LMNB1: variants seen among roughly 807,000 people sequenced by gnomAD.
The protein encoded by LMNB1 is lamin-B1.
Under a neutral mutation model 67.1 loss-of-function variants are expected in LMNB1, and 23 were observed. The observed-to-expected ratio is 0.34, with a 90% CI of 0.25 to 0.49. The LOEUF (loss-of-function observed/expected upper bound fraction) is 0.49. Ranked by LOEUF, LMNB1 falls within the 20% of genes least tolerant of loss-of-function variation. The pLI is 0.99. For missense variants in LMNB1, 634 were observed against 746.5 expected (o/e 0.85, Z 1.76); for synonymous variants, 281 against 282.9 (o/e 0.99, Z 0.07).
chr5:126,794,201 A>G (rs542351364), intron 1 of LMNB1, among the ~76,000 whole-genome samples: 17 of 152,316 alleles, frequency 1.1e-4, no homozygotes, highest in Non-Finnish European at 2.4e-4. Flanking sequence ...CTGGGATTAC[A>G]GGAGTGAACC....
At chr5:126,809,048 G>GT (rs1751523021) in intron 3 of LMNB1, among the ~76,000 whole-genome samples, 1 of 151,916 alleles carries the variant, frequency 6.6e-6, no homozygotes, top group African/African-American at 2.4e-5. Context: ...ACTAATTTTT[G>GT]TATTTTAGTA....
intron 9 of LMNB1, among the ~76,000 whole-genome samples, chr5:126,828,174 G>T (rs1180379280): frequency 6.6e-6 from 1 of 152,208 alleles, no homozygotes; most frequent in Non-Finnish European, 1.5e-5. Context: ...ATCCCTCACT[G>T]TAACCATGTC....
At position 126,826,019 on chromosome 5, in the gene LMNB1, GC is replaced by G; in HGVS notation, c.1529del (p.Pro510GlnfsTer18). On this transcript the variant is annotated frameshift_variant, in exon 9 of 11. Coordinates refer to ENST00000261366, the MANE Select transcript of LMNB1 (RefSeq NM_005573.4). LOFTEE classifies it high-confidence loss of function. ...GCTGCAAACGCTGGTGTCACAGCCA[GC>G]CCCCCAACTGACCTCATCTGGAAGA... ...IWAANAGVTA[S>X]PPTDLIWKNQ... 6.2e-7 allele frequency: 1 copy of G among 1,613,952 alleles called. No individual in the cohort carries two copies. The highest frequency in any genetic ancestry group is 8.5e-7 in the Non-Finnish European group (1 of 1,179,916).
chr5:126,800,809 C>T (rs1365473416), intron 1 of LMNB1, among the ~76,000 whole-genome samples: 1 of 147,784 alleles, frequency 6.8e-6, no homozygotes, highest in African/African-American at 2.5e-5. Context: ...TGTGCCATCA[C>T]GCCTGGCTAA....
intron 1 of LMNB1, among the ~76,000 whole-genome samples, chr5:126,785,035 A>G (rs1358951511): frequency 1.3e-5 from 2 of 151,718 alleles, no homozygotes; most frequent in East Asian, 3.9e-4. Context: ...GCTGGAGTGC[A>G]GTGGCACAAC....
chr5:126,810,314 G>T lies in LMNB1; in HGVS notation c.777G>T (p.Leu259=), dbSNP rs960240171. Residue 259 remains leucine, a synonymous_variant, in exon 4 of 11, where the codon CTG becomes CTT. Coordinates refer to ENST00000261366, the MANE Select transcript of LMNB1 (RefSeq NM_005573.4). ...MREQHDAQVR[L]YKEELEQTYH... ...AGCAACATGATGCCCAAGTGAGGCT[G>T]TATAAGGAGGAGCTGGAGCAGACTT... The T allele has an allele frequency of 1.2e-6, 2 of 1,611,746 alleles. No homozygotes were observed. The highest frequency in any genetic ancestry group is 1.7e-6 in the Non-Finnish European group (2 of 1,178,144).
chr5:126,817,405 G>A (rs1335533638), intron 5 of LMNB1, among the ~76,000 whole-genome samples: 2 of 152,106 alleles, frequency 1.3e-5, no homozygotes, highest in African/African-American at 2.4e-5. Context: ...ACTGGTACTG[G>A]GTATCACTGC....
intron 1 of LMNB1, among the ~76,000 whole-genome samples, chr5:126,794,275 A>AG (rs1184105845): frequency 2.0e-5 from 3 of 152,132 alleles, no homozygotes; most frequent in Non-Finnish European, 2.9e-5. Context: ...GAAGTTCATT[A>AG]ATTTTCCTTT....
At position 126,832,735 on chromosome 5, in the gene LMNB1, TGAA is replaced by T; in HGVS notation, c.1659_1661del (p.Glu559del). Reference sequence around the variant, plus strand: ...GTACAGTCTTTAAAACAACCATACCTGAAGAAGAGGAGGAGGAGGAAGAAGCAG... The same window carrying T: ...GTACAGTCTTTAAAACAACCATACCTGAAGAGGAGGAGGAGGAAGAAGCAG... On this transcript the variant is annotated inframe_deletion, in exon 10 of 11. Coordinates refer to ENST00000261366, the MANE Select transcript of LMNB1 (RefSeq NM_005573.4). 6.2e-7 allele frequency: 1 copy of T among 1,613,188 alleles called. No homozygotes were observed. The highest frequency in any genetic ancestry group is 8.5e-7 in the Non-Finnish European group (1 of 1,179,414).
At chr5:126,800,981 A>ATAT (rs1554113727) in intron 1 of LMNB1, among the ~76,000 whole-genome samples, 15 of 28,040 alleles carry the variant, frequency 5.3e-4, no homozygotes, top group African/African-American at 9.1e-4. Context: ...ATATATATAT[A>ATAT]ATTTTTTTTT....
Position 126,836,253 on chromosome 5 carries a change from G to A in LMNB1, c.1750G>A (p.Ala584Thr), listed in dbSNP as rs773352326. ...CCCAAGAGCATCCAATAGAAGCTGT[G>A]CAATTATGTAAAATTTTCAACTGTC... Reference protein sequence around the residue: ...GTPRASNRSCAIM With the variant: ...GTPRASNRSCTIM Residue 584 changes from alanine to threonine, a missense_variant, in exon 11 of 11, where the codon GCA becomes ACA. Ala to Thr is a moderately conservative substitution (Grantham distance 58). Coordinates refer to ENST00000261366, the MANE Select transcript of LMNB1 (RefSeq NM_005573.4). 2 of 1,610,358 alleles carry A rather than the reference G, an allele frequency of 1.2e-6. No individual in the cohort carries two copies. Among genetic ancestry groups the A allele is most frequent in the Non-Finnish European group, 1.7e-6 (2 of 1,176,786 alleles).
intron 4 of LMNB1, among the ~76,000 whole-genome samples, chr5:126,810,872 C>T (rs1429857130): frequency 6.6e-6 from 1 of 152,188 alleles, no homozygotes; most frequent in Admixed American, 6.5e-5. Flanking sequence ...TAGAAACTTC[C>T]CACTTATATT....
At chr5:126,777,920 C>CG (rs1164829012) in intron 1 of LMNB1, 53 bp downstream of exon 1, 3 of 1,375,150 alleles carry the variant, frequency 2.2e-6, no homozygotes, top group Admixed American at 3.3e-5. Context: ...GGGGCGCAAC[C>CG]GCGGCGACCA....
chr5:126,779,363 A>G (rs1239815593), intron 1 of LMNB1, among the ~76,000 whole-genome samples: 1 of 152,144 alleles, frequency 6.6e-6, no homozygotes, highest in Non-Finnish European at 1.5e-5. Context: ...CTAAGCTTGT[A>G]TTTCCCTTTC....
chr5:126,779,128 A>G (rs1178888451), intron 1 of LMNB1, among the ~76,000 whole-genome samples: 1 of 152,154 alleles, frequency 6.6e-6, no homozygotes, highest in Non-Finnish European at 1.5e-5. Context: ...TATCTGCGTG[A>G]ATGTCCCTGT....
chr5:126,827,179 C>A (rs1260564126), intron 9 of LMNB1, among the ~76,000 whole-genome samples: 1 of 152,144 alleles, frequency 6.6e-6, no homozygotes, highest in Non-Finnish European at 1.5e-5. Context: ...ACCATATTTA[C>A]AAGTGCAGGG....
intron 9 of LMNB1, among the ~76,000 whole-genome samples, chr5:126,830,038 T>G (rs1752097182): frequency 6.6e-6 from 1 of 152,264 alleles, no homozygotes. Context: ...TGCAAATGAT[T>G]ACTTATATAT....
Position 126,795,914 on chromosome 5 carries a change from C to G in LMNB1, c.360-8862C>G, listed in dbSNP as rs1055874182. On this transcript the variant is annotated intron_variant, in intron 1 of 10. Transcript: ENST00000261366. ...GTGCTGGGATTACAGGCGTGAGCCA[C>G]TGCGCCTGGCCCAGGATGCTTTTTT... Among the ~76,000 whole-genome samples, 4 of 145,966 alleles carry G rather than the reference C, an allele frequency of 2.7e-5. 1 individual carries two copies. Among genetic ancestry groups the G allele is most frequent in the African/African-American group, 1.0e-4 (4 of 39,014 alleles).
intron 5 of LMNB1, among the ~76,000 whole-genome samples, chr5:126,818,321 C>G (rs927324043): frequency 1.3e-5 from 2 of 151,636 alleles, no homozygotes; most frequent in African/African-American, 4.9e-5. Context: ...TCACTGCAAC[C>G]TCTGCCTCCG....
Sources: allele counts gnomAD v4.1 joint callset (sites outside exome capture counted in the v4.1 genomes callset), GRCh38; gene constraint gnomAD v4.1.1; transcripts MANE v1.5; gene names NCBI Gene and HGNC (gene_info 2026-07-23, HGNC 2026-07-21).